Variants in LCMT2 observed in about 807,000 individuals in gnomAD.
LCMT2 encodes leucine carboxyl methyltransferase 2.
LCMT2 carries 34 observed loss-of-function variants against 42.0 expected under a neutral mutation model. The ratio of observed to expected loss-of-function variants is 0.81; its 90% CI spans 0.62 to 1.08. The LOEUF is 1.08. Ranked by LOEUF, LCMT2 falls within the 50% of genes least tolerant of loss-of-function variation. LCMT2 has a pLI of 0.00. For missense variants in LCMT2, 1,091 were observed against 889.4 expected, an observed-to-expected ratio of 1.23 and a Z score of -2.88; for synonymous variants, 445 against 369.5, an observed-to-expected ratio of 1.20 and a Z score of -2.34.
In LCMT2 at chr15:43,325,014, G is replaced by A. The variant is rs1275037380; in HGVS notation, c.*3415C>T. On this transcript the variant is annotated 3_prime_UTR_variant, in exon 1 of 1. Coordinates refer to ENST00000305641, the MANE Select transcript of LCMT2 (RefSeq NM_014793.5). ...TTAAAGCTCCAGAAAGATGAAAAACGGGCACTCAGTTTTAAAACTCAGAAA... is the reference window on the plus strand; with the variant it reads ...TTAAAGCTCCAGAAAGATGAAAAACAGGCACTCAGTTTTAAAACTCAGAAA... 2.0e-5 allele frequency: 3 copies of A among 151,916 alleles called. No individual in the cohort carries two copies. The highest frequency in any genetic ancestry group is 4.4e-5 in the Non-Finnish European group (3 of 67,986). 9.4% of individuals were successfully genotyped at this position (151,916 alleles called of 1,614,324 possible).
Position 43,330,171 on chromosome 15 carries a change from G to C in LCMT2, c.319C>G (p.Arg107Gly), listed in dbSNP as rs778338706. The C allele has an allele frequency of 1.5e-4, 249 of 1,611,542 alleles. No individual in the cohort carries two copies. The highest frequency in any genetic ancestry group is 2.0e-4 in the Non-Finnish European group (235 of 1,179,858). Residue 107 changes from arginine (R) to glycine (G), a missense_variant, in exon 1 of 1, where the codon CGG becomes GGG. By Grantham distance (125) the Arg-to-Gly change is moderately radical. Transcript: ENST00000305641. ...FRLKTAGRLA[R>G]AAVWEVDFPD... ...AAATCCACCTCCCAGACTGCAGCCCGGGCCAGGCGGCCCGCGGTTTTTAAG... is the reference window on the plus strand; with the variant it reads ...AAATCCACCTCCCAGACTGCAGCCCCGGCCAGGCGGCCCGCGGTTTTTAAG...
Position 43,330,238 on chromosome 15 carries a change from CT to C in LCMT2, c.251del (p.Gln84ArgfsTer16), listed in dbSNP as rs1566857103. On this transcript the variant is annotated frameshift_variant, in exon 1 of 1. Transcript: ENST00000305641. LOFTEE classifies it high-confidence loss of function. ...CGAAGCCAGCGCCGAGAGACAAGAT[CT>C]GCGCGCGAAGCGCGGCCTGGGGCGC... ...IGAPQAALRA[Q>X]ILSLGAGFDS... The C allele has an allele frequency of 2.5e-6, 4 of 1,607,136 alleles. No individual in the cohort carries two copies. The highest frequency in any genetic ancestry group is 2.5e-6 in the Non-Finnish European group (3 of 1,178,920).
rs367713192 is a variant in LCMT2, at chr15:43,330,524, G to A, written c.-35C>T. The A allele has an allele frequency of 1.3e-6, 2 of 1,508,338 alleles. No homozygotes were observed. The highest frequency in any genetic ancestry group is 2.3e-5 in the East Asian group (1 of 42,878). 93.4% of individuals were successfully genotyped at this position (1,508,338 alleles called of 1,614,324 possible). On this transcript the variant is annotated 5_prime_UTR_variant, in exon 1 of 1. Transcript: ENST00000305641. ...AGACTCAGGAATGGCAGTCTGTCAC[G>A]GTTGTGAGCCGCCCCTTGGTTAGCA...
rs555874249 is a variant in LCMT2, at chr15:43,323,845, A to G, written c.*4584T>C. On this transcript the variant is annotated 3_prime_UTR_variant, in exon 1 of 1. Transcript: ENST00000305641. Reference sequence around the variant, plus strand: ...AGGAGTTATTGACATCAGTTTGTGCATAAGAACTATAGTAATATTCAAATA... The same window carrying G: ...AGGAGTTATTGACATCAGTTTGTGCGTAAGAACTATAGTAATATTCAAATA... The G allele has an allele frequency of 6.6e-6, 1 of 152,342 alleles. No individual in the cohort carries two copies. The highest frequency in any genetic ancestry group is 1.5e-5 in the Non-Finnish European group (1 of 68,028). The allele number at this position is 152,342 out of a possible 1,614,324, so 9.4% of individuals were successfully genotyped here. A position where few individuals can be genotyped will look rare whatever the true frequency, so the allele number is the denominator to read the frequency against.
chr15:43,328,834 G>A lies in LCMT2; in HGVS notation c.1656C>T (p.Leu552=), dbSNP rs753200551. 25 of 1,613,526 alleles carry A rather than the reference G, an allele frequency of 1.5e-5. No homozygotes were observed. Among genetic ancestry groups the A allele is most frequent in the Middle Eastern group, 3.3e-4 (2 of 6,062 alleles). ...WQGGALIAGG[L]GASEEPLNSV... is the part of the protein sequence containing the mutation. ...AGTTCAATGGCTCCTCAGAAGCCCC[G>A]AGACCTCCAGCAATAAGGGCTCCCC... is the stretch of plus-strand genomic sequence containing the variant. Residue 552 remains leucine (L), a synonymous_variant, in exon 1 of 1, where the codon CTC becomes CTT. Transcript: ENST00000305641.
rs2043118294 is a variant in LCMT2, at chr15:43,326,363, G to C, written c.*2066C>G. 6.6e-6 allele frequency: 1 copy of C among 151,974 alleles called. No homozygotes were observed. The highest frequency in any genetic ancestry group is 1.5e-5 in the Non-Finnish European group (1 of 67,974). The allele number at this position is 151,974 out of a possible 1,614,324, so 9.4% of individuals were successfully genotyped here. ...TGTCTTCCCAGCTGTAATAAGCCCT[G>C]TTTCCCAGGACTCAGTCATAGCCAT... On this transcript the variant is annotated 3_prime_UTR_variant, in exon 1 of 1. Transcript: ENST00000305641.
Position 43,330,325 on chromosome 15 carries a change from G to A in LCMT2, c.165C>T (p.Gly55=). The part of the protein sequence containing the change: ...AARRAPLIHR[G]YYVRARAVRH... ...TCACGGCGCGTGCGCGGACGTAGTAGCCTCGGTGAATGAGCGGTGCGCGGC... is the reference window on the plus strand; with the variant it reads ...TCACGGCGCGTGCGCGGACGTAGTAACCTCGGTGAATGAGCGGTGCGCGGC... Residue 55 remains glycine, a synonymous_variant, in exon 1 of 1, where the codon GGC becomes GGT. Coordinates refer to ENST00000305641, the MANE Select transcript of LCMT2 (RefSeq NM_014793.5). 1 of 1,603,418 alleles carries A rather than the reference G, an allele frequency of 6.2e-7. No individual in the cohort carries two copies. The highest frequency in any genetic ancestry group is 1.1e-5 in the South Asian group (1 of 90,750).
chr15:43,328,472 T>C lies in LCMT2; in HGVS notation c.2018A>G (p.His673Arg), dbSNP rs1260651369. 1 of 1,614,020 alleles carries C rather than the reference T, an allele frequency of 6.2e-7. No individual in the cohort carries two copies. Among genetic ancestry groups the C allele is most frequent in the African/African-American group, 1.3e-5 (1 of 74,910 alleles). ...CFSFGTYFNPHTVTLDLSSLS... is the reference protein window; with the variant it reads ...CFSFGTYFNPRTVTLDLSSLS... Reference sequence around the variant, plus strand: ...GGAAGAAAGGTCTAATGTGACTGTATGGGGGTTGAAGTAGGTACCAAAGGA... The same window carrying C: ...GGAAGAAAGGTCTAATGTGACTGTACGGGGGTTGAAGTAGGTACCAAAGGA... The change falls in exon 1 of 1, where the codon CAT becomes CGT. Residue 673 changes from histidine (H) to arginine (R), a missense_variant. Physicochemically the swap from His to Arg is conservative, Grantham distance 29 (BLOSUM62 0). Coordinates refer to ENST00000305641, the MANE Select transcript of LCMT2 (RefSeq NM_014793.5).
chr15:43,329,260 A>C lies in LCMT2; in HGVS notation c.1230T>G (p.Thr410=). The C allele has an allele frequency of 6.2e-7, 1 of 1,614,042 alleles. No homozygotes were observed. The highest frequency in any genetic ancestry group is 1.1e-5 in the South Asian group (1 of 91,090). Residue 410 remains threonine, a synonymous_variant, in exon 1 of 1, where the codon ACT becomes ACG. Transcript: ENST00000305641. ...AAAGGCGTCCATCCCACTGAACTCC[A>C]GTCCCACAACTGCCTATTTGGCTGC... is the stretch of plus-strand genomic sequence containing the variant. ...WKGSQIGSCG[T]GVQWDGRLYH... is the part of the protein sequence containing the mutation.
rs746936565 is a variant in LCMT2 at position 43,329,693 on chromosome 15, C to T, written c.797G>A (p.Cys266Tyr). ...RRFLQAGWTA[C>Y]GAVDMNEFYH... ...GAATTCATTCATGTCCACGGCACCG[C>T]AGGCGGTCCAGCCAGCTTGAAGGAA... Residue 266 changes from cysteine (C) to tyrosine (Y), a missense_variant, in exon 1 of 1, where the codon TGC becomes TAC. Physicochemically the swap from Cys to Tyr is radical, Grantham distance 194. Transcript: ENST00000305641. 5 of 1,613,524 alleles carry T rather than the reference C, an allele frequency of 3.1e-6. No homozygotes were observed. The highest frequency in any genetic ancestry group is 4.2e-6 in the Non-Finnish European group (5 of 1,179,926).
In LCMT2 at chr15:43,323,785, C is replaced by A. The variant is rs2043104551; in HGVS notation, c.*4644G>T. 6.6e-6 allele frequency: 1 copy of A among 152,126 alleles called. No individual in the cohort carries two copies. The highest frequency in any genetic ancestry group is 1.5e-5 in the Non-Finnish European group (1 of 68,018). The allele number at this position is 152,126 out of a possible 1,614,324, so 9.4% of individuals were successfully genotyped here. ...GGGTTCTTTAAAATTTTAATGCTTA[C>A]CTCCCCCTGACACACACACATACAC... On this transcript the variant is annotated 3_prime_UTR_variant, in exon 1 of 1. Transcript: ENST00000305641.
Position 43,328,109 on chromosome 15 carries a change from T to C in LCMT2, c.*320A>G. ...ACTTTTTCTAAGGTACCATCTCAAA[T>C]CACAAGGCCTGGGATTGGGAAATTG... On this transcript the variant is annotated 3_prime_UTR_variant, in exon 1 of 1. Coordinates refer to ENST00000305641, the MANE Select transcript of LCMT2 (RefSeq NM_014793.5). 4.0e-6 allele frequency: 1 copy of C among 251,362 alleles called. No homozygotes were observed. Among genetic ancestry groups the C allele is most frequent in the Non-Finnish European group, 7.7e-6 (1 of 130,158 alleles). 15.6% of individuals were successfully genotyped at this position (251,362 alleles called of 1,614,324 possible).
chr15:43,328,676 C>T lies in LCMT2; in HGVS notation c.1814G>A (p.Trp605Ter). ...NGKLLLVGGI[W>*]IHSSSFPGVT... ...TCCAGGAAATGAGGAGGAATGAATCCAGATCCCTCCAACCAGTAACAGCTT... is the reference window on the plus strand; with the variant it reads ...TCCAGGAAATGAGGAGGAATGAATCTAGATCCCTCCAACCAGTAACAGCTT... The change falls in exon 1 of 1, where the codon TGG (tryptophan) becomes TAG (stop). Residue 605 changes from tryptophan (W) to a stop codon, truncating the protein, a stop_gained. Transcript: ENST00000305641. LOFTEE classifies it high-confidence loss of function. 1 of 1,614,174 alleles carries T rather than the reference C, an allele frequency of 6.2e-7. No individual in the cohort carries two copies. Among genetic ancestry groups the T allele is most frequent in the Non-Finnish European group, 8.5e-7 (1 of 1,180,044 alleles).
rs71111812 is a variant in LCMT2 at position 43,326,034 on chromosome 15, ATTTTTTTTTTTTTTTTTTTTT to A, written c.*2374_*2394del. Reference sequence around the variant, plus strand: ...CTTTGTATATATAGATAGATGGATAATTTTTTTTTTTTTTTTTTTTTTTTTTTTTTTTTGGGTAGAGACGGA... The same window carrying A: ...CTTTGTATATATAGATAGATGGATAATTTTTTTTTTTTGGGTAGAGACGGA... On this transcript the variant is annotated 3_prime_UTR_variant, in exon 1 of 1. Coordinates refer to ENST00000305641, the MANE Select transcript of LCMT2 (RefSeq NM_014793.5). 1.4e-5 allele frequency: 1 copy of A among 70,526 alleles called. No individual in the cohort carries two copies. The highest frequency in any genetic ancestry group is 3.1e-5 in the Non-Finnish European group (1 of 32,448). 4.4% of individuals were successfully genotyped at this position (70,526 alleles called of 1,614,324 possible). A position where few individuals can be genotyped will look rare whatever the true frequency, so the allele number is the denominator to read the frequency against.
In LCMT2 at chr15:43,329,729, T is replaced by G. The variant is rs1173716921; in HGVS notation, c.761A>C (p.Gln254Pro). Reference protein sequence around the residue: ...GLERFPDVEAQRRRFLQAGWT... With the variant: ...GLERFPDVEAPRRRFLQAGWT... Reference sequence around the variant, plus strand: ...GCCAGCTTGAAGGAAGCGGCGCCGCTGCGCCTCCACGTCAGGAAAACGCTC... The same window carrying G: ...GCCAGCTTGAAGGAAGCGGCGCCGCGGCGCCTCCACGTCAGGAAAACGCTC... The change falls in exon 1 of 1, where the codon CAG (glutamine) becomes CCG (proline). Residue 254 changes from glutamine (Q) to proline (P), a missense_variant. Physicochemically the swap from Gln to Pro is moderately conservative, Grantham distance 76. Coordinates refer to ENST00000305641, the MANE Select transcript of LCMT2 (RefSeq NM_014793.5). 3.1e-6 allele frequency: 5 copies of G among 1,613,346 alleles called. No homozygotes were observed. Among genetic ancestry groups the G allele is most frequent in the Non-Finnish European group, 3.4e-6 (4 of 1,179,842 alleles).
chr15:43,330,425 A>T lies in LCMT2; in HGVS notation c.65T>A (p.Leu22His). Reference protein sequence around the residue: ...AVQNTNDSSALSKRSLAARGY... With the variant: ...AVQNTNDSSAHSKRSLAARGY... ...GCGCGCGGCCAGGGAACGCTTGCTG[A>T]GGGCGCTGCTGTCGTTGGTGTTCTG... The change falls in exon 1 of 1, where the codon CTC (leucine) becomes CAC (histidine). Residue 22 changes from leucine (L) to histidine (H), a missense_variant. By Grantham distance (99) the Leu-to-His change is moderately conservative (BLOSUM62 -3). Coordinates refer to ENST00000305641, the MANE Select transcript of LCMT2 (RefSeq NM_014793.5). 6.4e-7 allele frequency: 1 copy of T among 1,562,494 alleles called. No homozygotes were observed. The highest frequency in any genetic ancestry group is 8.6e-7 in the Non-Finnish European group (1 of 1,162,280).
At position 43,327,833 on chromosome 15, in the gene LCMT2, A is replaced by T. The variant is rs1312740906; in HGVS notation, c.*596T>A. 1 of 153,302 alleles carries T rather than the reference A, an allele frequency of 6.5e-6. No individual in the cohort carries two copies. Among genetic ancestry groups the T allele is most frequent in the Non-Finnish European group, 1.5e-5 (1 of 68,790 alleles). The allele number at this position is 153,302 out of a possible 1,614,324, so 9.5% of individuals were successfully genotyped here. A position where few individuals can be genotyped will look rare whatever the true frequency, so the allele number is the denominator to read the frequency against. On this transcript the variant is annotated 3_prime_UTR_variant, in exon 1 of 1. Coordinates refer to ENST00000305641, the MANE Select transcript of LCMT2 (RefSeq NM_014793.5). ...TATAAATCTAAATAAATATGGAACC[A>T]ATAGCAAAACATTTAAAAAGTATGT...
At position 43,329,825 on chromosome 15, in the gene LCMT2, C is replaced by T; in HGVS notation, c.665G>A (p.Arg222Lys). 6.2e-7 allele frequency: 1 copy of T among 1,613,938 alleles called. No homozygotes were observed. The highest frequency in any genetic ancestry group is 1.3e-5 in the African/African-American group (1 of 75,062). The change falls in exon 1 of 1, where the codon AGG becomes AAG. Residue 222 changes from arginine to lysine, a missense_variant. Transcript: ENST00000305641. ...GAACTGGCCAAAGGCGTCTTGAGGC[C>T]TCATCTGCTCATAGACCACGAAAAG... The part of the protein sequence containing the change: ...NALFVVYEQM[R>K]PQDAFGQFML...
chr15:43,329,306 T>C lies in LCMT2; in HGVS notation c.1184A>G (p.Asp395Gly). 1 of 1,613,974 alleles carries C rather than the reference T, an allele frequency of 6.2e-7. No homozygotes were observed. The highest frequency in any genetic ancestry group is 8.5e-7 in the Non-Finnish European group (1 of 1,180,016). Residue 395 changes from aspartate (D) to glycine (G), a missense_variant, in exon 1 of 1, where the codon GAT (aspartate) becomes GGT (glycine). By Grantham distance (94) the Asp-to-Gly change is moderately conservative (BLOSUM62 -1). Transcript: ENST00000305641. ...RVSQFHLLSRDCDSEWKGSQI... is the reference protein window; with the variant it reads ...RVSQFHLLSRGCDSEWKGSQI... The stretch of plus-strand genomic sequence containing the variant: ...GCTGCCTTTCCATTCAGAGTCACAA[T>C]CTCTTGAGAGCAAGTGAAACTGGCT...
Sources: allele counts gnomAD v4.1 joint callset, GRCh38; gene constraint gnomAD v4.1.1; transcripts MANE v1.5; gene names NCBI Gene and HGNC (gene_info 2026-07-23, HGNC 2026-07-21).